Variants in EPPK1 observed in about 807,000 individuals in gnomAD.
EPPK1 encodes the protein epiplakin.
For synonymous variants in EPPK1, 1,862 were observed against 1,721.2 expected (o/e 1.08, Z -2.03); for missense variants, 3,823 against 3,673.3 (o/e 1.04, Z -1.05).
chr8:143,869,822 G>A lies in EPPK1; in HGVS notation c.3432C>T (p.Leu1144=). The A allele has an allele frequency of 1.9e-6, 3 of 1,599,988 alleles. No homozygotes were observed. Among genetic ancestry groups the A allele is most frequent in the South Asian group, 1.1e-5 (1 of 88,848 alleles). ...AGTGGCAGGAGCTGAGCAGGTCCCA[G>A]AGGGATGTGCCATCCTTGGCCCCCG... ...AVPGAKDGTS[L]WDLLSSCHFT... is the part of the protein sequence containing the mutation. The change falls in exon 2 of 2, where the codon CTC becomes CTT. Residue 1144 remains leucine (L), a synonymous_variant. Coordinates refer to ENST00000615648, the MANE Select transcript of EPPK1 (RefSeq NM_031308.4).
Position 143,871,342 on chromosome 8 carries a change from C to T in EPPK1, c.1912G>A (p.Gly638Ser), listed in dbSNP as rs200565970. The T allele has an allele frequency of 1.9e-4, 306 of 1,610,644 alleles. No homozygotes were observed. The highest frequency in any genetic ancestry group is 2.3e-4 in the Non-Finnish European group (274 of 1,179,134). ...GCCTCCAGAAGGATGAGGGCAGTGC[C>T]GGGCCGGAGGAGCCCCTTGCATCGG... ...EARCKGLLRP[G>S]TALILLEAQA... is the part of the protein sequence containing the mutation. Residue 638 changes from glycine to serine, a missense_variant, in exon 2 of 2, where the codon GGC becomes AGC. Physicochemically the swap from Gly to Ser is moderately conservative, Grantham distance 56. Transcript: ENST00000615648.
rs2130616807 is a variant in EPPK1, at chr8:143,866,344, CG to C, written c.6909del (p.Glu2304SerfsTer69). 2 of 599,002 alleles carry C rather than the reference CG, an allele frequency of 3.3e-6. No homozygotes were observed. The highest frequency in any genetic ancestry group is 6.3e-5 in the East Asian group (2 of 31,946). The allele number at this position is 599,002 out of a possible 1,614,324, so 37.1% of individuals were successfully genotyped here. On this transcript the variant is annotated frameshift_variant, in exon 2 of 2. Transcript: ENST00000615648. LOFTEE classifies it low-confidence loss of function (END_TRUNC). ...GGEIQEKLLS[A>X]ERAVTGYTDP... ...TCGGTGTAGCCGGTGACGGCGCGCTCGGCCGACAGCAGCTTCTCCTGGATCT... is the reference window on the plus strand; with the variant it reads ...TCGGTGTAGCCGGTGACGGCGCGCTCGCCGACAGCAGCTTCTCCTGGATCT...
chr8:143,871,916 C>G lies in EPPK1; in HGVS notation c.1338G>C (p.Leu446=). The change falls in exon 2 of 2, where the codon CTG becomes CTC. Residue 446 remains leucine (L), a synonymous_variant. Coordinates refer to ENST00000615648, the MANE Select transcript of EPPK1 (RefSeq NM_031308.4). ...GSFSDGTHGG[L]RYEQLLALCV... ...AGAGGGCCAGCAGCTGTTCATAGCG[C>G]AGGCCGCCGTGCGTGCCGTCTGAGA... 6.2e-7 allele frequency: 1 copy of G among 1,606,438 alleles called. No individual in the cohort carries two copies. Among genetic ancestry groups the G allele is most frequent in the Non-Finnish European group, 8.5e-7 (1 of 1,179,532 alleles).
rs782705855 is a variant in EPPK1 at position 143,871,229 on chromosome 8, A to G, written c.2025T>C (p.Pro675=). The G allele has an allele frequency of 9.3e-6, 15 of 1,613,090 alleles. No homozygotes were observed. The highest frequency in any genetic ancestry group is 1.6e-4 in the Middle Eastern group (1 of 6,084). Residue 675 remains proline, a synonymous_variant, in exon 2 of 2, where the codon CCT becomes CCC. Transcript: ENST00000615648. ...EEALRAAVIG[P]DVFAKLLSAE... ...CCGACAGCAGCTTCGCGAACACATC[A>G]GGCCCAATGACAGCAGCCCTCAGTG... is the stretch of plus-strand genomic sequence containing the variant.
In EPPK1 at chr8:143,866,751, C is replaced by G. The variant is rs1023837858; in HGVS notation, c.6503G>C (p.Ser2168Thr). 6.2e-7 allele frequency: 1 copy of G among 1,613,512 alleles called. No individual in the cohort carries two copies. Among genetic ancestry groups the G allele is most frequent in the Non-Finnish European group, 8.5e-7 (1 of 1,179,880 alleles). ...TCCTTGGAACCACAGGTGTTTGTTG[C>G]TGGTTTCCTGCTTCTCGATCAACTC... ...ILELIEKQET[S>T]NKHLWFQGIR... is the part of the protein sequence containing the mutation. The change falls in exon 2 of 2, where the codon AGC becomes ACC. Residue 2168 changes from serine to threonine, a missense_variant. Transcript: ENST00000615648.
rs1554657826 is a variant in EPPK1, at chr8:143,857,912, A to AC, written c.*74_*75insG. ...AAAGAATGACAAAAAAAAAAAAAAA[A>AC]AAAAAAACAACCCAGACACACAAGT... is the stretch of plus-strand genomic sequence containing the variant. On this transcript the variant is annotated 3_prime_UTR_variant, in exon 2 of 2. Coordinates refer to ENST00000615648, the MANE Select transcript of EPPK1 (RefSeq NM_031308.4). The AC allele has an allele frequency of 4.8e-6, 4 of 824,836 alleles. No homozygotes were observed. Among genetic ancestry groups the AC allele is most frequent in the South Asian group, 5.6e-5 (2 of 35,584 alleles). 51.1% of individuals were successfully genotyped at this position (824,836 alleles called of 1,614,324 possible). A position where few individuals can be genotyped will look rare whatever the true frequency, so the allele number is the denominator to read the frequency against.
rs200370864 is a variant in EPPK1, at chr8:143,871,933, C to A, written c.1321G>T (p.Gly441Cys). 18 of 1,603,066 alleles carry A rather than the reference C, an allele frequency of 1.1e-5. No homozygotes were observed. In the African/African-American group the frequency reaches 2.4e-4, roughly 21 times the overall value. Residue 441 changes from glycine to cysteine, a missense_variant, in exon 2 of 2, where the codon GGC becomes TGC. Physicochemically the swap from Gly to Cys is radical, Grantham distance 159. Transcript: ENST00000615648. ...QLSQAGSFSDGTHGGLRYEQL... is the reference protein window; with the variant it reads ...QLSQAGSFSDCTHGGLRYEQL... ...TCATAGCGCAGGCCGCCGTGCGTGC[C>A]GTCTGAGAAGCTGCCAGCCTGCGAG...
In EPPK1 at chr8:143,868,735, T is replaced by C. The variant is rs6558399; in HGVS notation, c.4519A>G (p.Thr1507Ala). Residue 1507 changes from threonine to alanine, a missense_variant, in exon 2 of 2, where the codon ACC becomes GCC. Physicochemically the swap from Thr to Ala is moderately conservative, Grantham distance 58. Coordinates refer to ENST00000615648, the MANE Select transcript of EPPK1 (RefSeq NM_031308.4). ...ALRQVVSAVT[T>A]LVEAAERQPL... ...TGCCTCTCTGCAGCCTCGACCAGGG[T>C]GGTGACTGCGCTGACCACCTGCCGC... is the stretch of plus-strand genomic sequence containing the variant. 0.75 allele frequency: 1,184,018 copies of C among 1,577,538 alleles called. 447,830 individuals are homozygous for C. Among genetic ancestry groups the C allele is most frequent in the South Asian group, 0.79 (69,287 of 87,372 alleles).
rs1352642964 is a variant in EPPK1, at chr8:143,866,656, G to A, written c.6598C>T (p.Leu2200=). The part of the protein sequence containing the change: ...AIITEEMLQD[L]ETGRSTTQEL... ...TGCGTCGTGCTCCGTCCCGTTTCCA[G>A]GTCCTGGAGCATTTCCTCCGTGATT... The change falls in exon 2 of 2, where the codon CTG becomes TTG. Residue 2200 remains leucine (L), a synonymous_variant. Transcript: ENST00000615648. The A allele has an allele frequency of 1.9e-6, 3 of 1,612,996 alleles. No individual in the cohort carries two copies. Among genetic ancestry groups the A allele is most frequent in the African/African-American group, 1.3e-5 (1 of 74,936 alleles).
At position 143,871,490 on chromosome 8, in the gene EPPK1, A is replaced by G. The variant is rs373091890; in HGVS notation, c.1764T>C (p.His588=). The G allele has an allele frequency of 2.5e-6, 4 of 1,609,518 alleles. No individual in the cohort carries two copies. Among genetic ancestry groups the G allele is most frequent in the South Asian group, 1.1e-5 (1 of 90,490 alleles). ...IDQDLYERLE[H]GQATAKDVGS... Reference sequence around the variant, plus strand: ...CCACATCCTTGGCTGTGGCCTGTCCATGCTCCAGCCGCTCGTACAGGTCCT... The same window carrying G: ...CCACATCCTTGGCTGTGGCCTGTCCGTGCTCCAGCCGCTCGTACAGGTCCT... The change falls in exon 2 of 2, where the codon CAT becomes CAC. Residue 588 remains histidine, a synonymous_variant. Coordinates refer to ENST00000615648, the MANE Select transcript of EPPK1 (RefSeq NM_031308.4).
At position 143,871,129 on chromosome 8, in the gene EPPK1, C is replaced by T; in HGVS notation, c.2125G>A (p.Gly709Ser). Reference sequence around the variant, plus strand: ...ATGCCGTGCTCCCGGACGATGAGGCCCTTCTGCATGGCCTGGAAGAGGGAG... The same window carrying T: ...ATGCCGTGCTCCCGGACGATGAGGCTCTTCTGCATGGCCTGGAAGAGGGAG... ...QISLFQAMQK[G>S]LIVREHGIRL... is the part of the protein sequence containing the mutation. The change falls in exon 2 of 2, where the codon GGC becomes AGC. Residue 709 changes from glycine (G) to serine (S), a missense_variant. Coordinates refer to ENST00000615648, the MANE Select transcript of EPPK1 (RefSeq NM_031308.4). The T allele has an allele frequency of 6.2e-7, 1 of 1,613,220 alleles. No individual in the cohort carries two copies. Among genetic ancestry groups the T allele is most frequent in the Non-Finnish European group, 8.5e-7 (1 of 1,180,020 alleles).
chr8:143,868,635 C>A lies in EPPK1; in HGVS notation c.4619G>T (p.Ser1540Ile). The change falls in exon 2 of 2, where the codon AGC (serine) becomes ATC (isoleucine). Residue 1540 changes from serine to isoleucine, a missense_variant. Ser to Ile is a moderately radical substitution (Grantham distance 142). Transcript: ENST00000615648. ...ARDLFRAQLISRKTLDELSQG... is the reference protein window; with the variant it reads ...ARDLFRAQLIIRKTLDELSQG... ...GCTCAGCTCGTCCAGCGTCTTCCTG[C>A]TGATCAGCTGCGCCCTGAACAGGTC... The A allele has an allele frequency of 6.3e-7, 1 of 1,593,568 alleles. No individual in the cohort carries two copies. Among genetic ancestry groups the A allele is most frequent in the Non-Finnish European group, 8.5e-7 (1 of 1,170,972 alleles).
rs1819408450 is a variant in EPPK1, at chr8:143,873,026, C to T, written c.228G>A (p.Glu76=). Reference sequence around the variant, plus strand: ...CCAGGCCCCCAGTGGCTGCCTGGGCCTCTAGCAGAGCCTGCCCGAGCCCAG... The same window carrying T: ...CCAGGCCCCCAGTGGCTGCCTGGGCTTCTAGCAGAGCCTGCCCGAGCCCAG... ...LPAGLGQALL[E]AQAATGGLVD... is the part of the protein sequence containing the mutation. Residue 76 remains glutamate, a synonymous_variant, in exon 2 of 2, where the codon GAG becomes GAA. Transcript: ENST00000615648. The T allele has an allele frequency of 4.4e-6, 7 of 1,573,070 alleles. No homozygotes were observed. Among genetic ancestry groups the T allele is most frequent in the East Asian group, 4.5e-5 (2 of 44,330 alleles).
chr8:143,866,919 A>G lies in EPPK1; in HGVS notation c.6335T>C (p.Val2112Ala). 4 of 1,612,906 alleles carry G rather than the reference A, an allele frequency of 2.5e-6. No individual in the cohort carries two copies. The highest frequency in any genetic ancestry group is 3.4e-6 in the Non-Finnish European group (4 of 1,179,852). ...ALEAEQVEIT[V>A]GRFRGQKPTL... is the part of the protein sequence containing the mutation. Reference sequence around the variant, plus strand: ...TGGTTTCTGGCCTCTGAACCTTCCCACTGTGATTTCCACTTGCTCTGCCTC... The same window carrying G: ...TGGTTTCTGGCCTCTGAACCTTCCCGCTGTGATTTCCACTTGCTCTGCCTC... Residue 2112 changes from valine to alanine, a missense_variant, in exon 2 of 2, where the codon GTG (valine) becomes GCG (alanine). Transcript: ENST00000615648.
At position 143,865,695 on chromosome 8, in the gene EPPK1, GC is replaced by G. The variant is rs1819092596; in HGVS notation, c.7558del (p.Ala2520ProfsTer26). 1 of 52,260 alleles carries G rather than the reference GC, an allele frequency of 1.9e-5. No individual in the cohort carries two copies. The allele number at this position is 52,260 out of a possible 1,614,324, so 3.2% of individuals were successfully genotyped here. On this transcript the variant is annotated frameshift_variant, in exon 2 of 2. Coordinates refer to ENST00000615648, the MANE Select transcript of EPPK1 (RefSeq NM_031308.4). LOFTEE classifies it low-confidence loss of function (END_TRUNC). ...GCGGCCCACCTTGACCTCCATGGTG[GC>G]CGCACGCAGGGCCTCCCGGGGGTCT... Reference protein sequence around the residue: ...RPDPREALRAATMEVKVGRLR... With the variant: ...RPDPREALRAXTMEVKVGRLR...
At position 143,866,288 on chromosome 8, in the gene EPPK1, G is replaced by C; in HGVS notation, c.6966C>G (p.Phe2322Leu). 2.0e-6 allele frequency: 1 copy of C among 503,938 alleles called. No homozygotes were observed. The highest frequency in any genetic ancestry group is 3.3e-6 in the Non-Finnish European group (1 of 303,996). 31.2% of individuals were successfully genotyped at this position (503,938 alleles called of 1,614,324 possible). ...CGATGAGGTCCTTCTGCATGGCCTG[G>C]AAGAGGGAGATCTGCTGCCCGGTGT... ...DPYTGQQISL[F>L]QAMQKDLIVR... The change falls in exon 2 of 2, where the codon TTC becomes TTG. Residue 2322 changes from phenylalanine (F) to leucine (L), a missense_variant. Transcript: ENST00000615648.
In EPPK1 at chr8:143,867,907, T is replaced by G. The variant is rs1554659667; in HGVS notation, c.5347A>C (p.Lys1783Gln). Reference sequence around the variant, plus strand: ...TCAGCAAACCTCCCCACGCGCATTTTTGCAGTTCTGGATTGCAACACGTGT... The same window carrying G: ...TCAGCAAACCTCCCCACGCGCATTTGTGCAGTTCTGGATTGCAACACGTGT... ...TRHVLQSRTA[K>Q]MRVGRFADQV... Residue 1783 changes from lysine to glutamine, a missense_variant, in exon 2 of 2, where the codon AAA becomes CAA. Transcript: ENST00000615648. The G allele has an allele frequency of 1.9e-6, 3 of 1,613,500 alleles. No individual in the cohort carries two copies. The highest frequency in any genetic ancestry group is 1.7e-5 in the Admixed American group (1 of 60,012).
intron 1 of EPPK1, among the ~76,000 whole-genome samples, chr8:143,873,697 G>A (rs1819426735): frequency 6.6e-6 from 1 of 152,040 alleles, no homozygotes; most frequent in African/African-American, 2.4e-5. Context: ...CTCCAAAAGG[G>A]CTGTGGCTCC....
At chr8:143,875,316 C>T (rs1819458213) in intron 1 of EPPK1, among the ~76,000 whole-genome samples, 1 of 152,208 alleles carries the variant, frequency 6.6e-6, no homozygotes, top group Admixed American at 6.5e-5. Context: ...AGACTGCAGC[C>T]CACCTACCCA....
Sources: allele counts gnomAD v4.1 joint callset (sites outside exome capture counted in the v4.1 genomes callset), GRCh38; gene constraint gnomAD v4.1.1; transcripts MANE v1.5; gene names NCBI Gene and HGNC (gene_info 2026-07-23, HGNC 2026-07-21).